The following TSPAN14 variants were observed in gnomAD, a reference collection of about 807,000 sequenced individuals.
TSPAN14 encodes tetraspanin-14.
In TSPAN14, 16 loss-of-function variants were observed where a neutral mutation model predicts 36.6. That is an observed-to-expected ratio of 0.44 (90% CI 0.30 to 0.66). The LOEUF is 0.66. Ranked by LOEUF, TSPAN14 falls within the 30% of genes least tolerant of loss-of-function variation. The pLI, the probability that TSPAN14 is intolerant of heterozygous loss-of-function variation, is 0.12. For missense variants in TSPAN14, 231 were observed against 355.1 expected, an observed-to-expected ratio of 0.65 and a Z score of 2.81; for synonymous variants, 139 against 143.8, an observed-to-expected ratio of 0.97 and a Z score of 0.24.
chr10:80,492,335 T>G (rs193049897), intron 2 of TSPAN14, among the ~76,000 whole-genome samples: 1 of 152,306 alleles, frequency 6.6e-6, no homozygotes, highest in Non-Finnish European at 1.5e-5. Flanking sequence ...TTTTGCAGTG[T>G]TTTTATTTGT....
At chr10:80,510,320 T>G (rs886949294) in intron 5 of TSPAN14, among the ~76,000 whole-genome samples, 1 of 152,250 alleles carries the variant, frequency 6.6e-6, no homozygotes, top group Non-Finnish European at 1.5e-5. Context: ...CTTTATTTCA[T>G]GTATTATGGG....
At chr10:80,484,584 AT>A (rs1293526656) in intron 1 of TSPAN14, among the ~76,000 whole-genome samples, 2 of 152,208 alleles carry the variant, frequency 1.3e-5, no homozygotes, top group African/African-American at 2.4e-5. Context: ...TCCTTTGTGT[AT>A]AATGTTCATA....
intron 1 of TSPAN14, among the ~76,000 whole-genome samples, chr10:80,460,776 A>G (rs893935244): frequency 2.0e-5 from 3 of 151,984 alleles, no homozygotes; most frequent in Admixed American, 6.6e-5. Flanking sequence ...TTGTTTCCCT[A>G]CAGCCCACCA....
intron 1 of TSPAN14, among the ~76,000 whole-genome samples, chr10:80,470,402 G>T (rs1735991388): frequency 6.6e-6 from 1 of 152,202 alleles, no homozygotes; most frequent in African/African-American, 2.4e-5. Flanking sequence ...TTTGATCCTG[G>T]TTGCTTGAAT....
intron 1 of TSPAN14, among the ~76,000 whole-genome samples, chr10:80,460,590 A>G (rs528306889): frequency 1.3e-5 from 2 of 152,224 alleles, no homozygotes; most frequent in East Asian, 1.9e-4. Flanking sequence ...GGCCAGTGTA[A>G]GAGTAGGGGA....
At chr10:80,511,392 G>A (rs1392119212) in intron 5 of TSPAN14, among the ~76,000 whole-genome samples, 3 of 152,182 alleles carry the variant, frequency 2.0e-5, no homozygotes, top group Admixed American at 2.0e-4. Context: ...CAGGGAGGAA[G>A]AACACTGCAC....
At chr10:80,512,567 A>G (rs1840717122) in intron 6 of TSPAN14, among the ~76,000 whole-genome samples, 1 of 152,220 alleles carries the variant, frequency 6.6e-6, no homozygotes, top group Non-Finnish European at 1.5e-5. Flanking sequence ...TGAGTGAAAT[A>G]AGGCCCGCTT....
intron 2 of TSPAN14, among the ~76,000 whole-genome samples, chr10:80,491,516 C>G (rs1185160704): frequency 1.3e-5 from 2 of 152,208 alleles, no homozygotes; most frequent in African/African-American, 4.8e-5. Flanking sequence ...ATCTTGATTT[C>G]TGCAGCTAGA....
intron 1 of TSPAN14, among the ~76,000 whole-genome samples, chr10:80,467,874 T>A (rs1870141): frequency 0.44 from 67,234 of 151,938 alleles, 15,810 homozygotes; most frequent in East Asian, 0.86. Flanking sequence ...GGCACATTAC[T>A]TTTGTTTATT....
intron 7 of TSPAN14, among the ~76,000 whole-genome samples, chr10:80,514,455 A>G (rs1405041805): frequency 1.3e-5 from 2 of 152,182 alleles, no homozygotes; most frequent in Non-Finnish European, 2.9e-5. Context: ...TGGAGGCAGT[A>G]GTGACAAAGA....
exon 9 of TSPAN14, chr10:80,519,940 G>A (rs1203179708): frequency 6.6e-6 from 1 of 151,932 alleles, no homozygotes; most frequent in Non-Finnish European, 1.5e-5. Flanking sequence ...AGGTCTAGAG[G>A]AAACATTGTT....
chr10:80,479,393 C>T (rs1318817350), intron 1 of TSPAN14, among the ~76,000 whole-genome samples: 2 of 151,936 alleles, frequency 1.3e-5, no homozygotes, highest in Non-Finnish European at 2.9e-5. Context: ...ATGGTAATGC[C>T]TAGGTTTTCT....
intron 2 of TSPAN14, among the ~76,000 whole-genome samples, chr10:80,498,277 T>C (rs1848305346): frequency 6.6e-6 from 1 of 152,206 alleles, no homozygotes; most frequent in Non-Finnish European, 1.5e-5. Context: ...TCTGGTGTAA[T>C]TTATAATGGC....
At chr10:80,476,107 C>G (rs924816492) in intron 1 of TSPAN14, among the ~76,000 whole-genome samples, 1 of 152,172 alleles carries the variant, frequency 6.6e-6, no homozygotes, top group African/African-American at 2.4e-5. Flanking sequence ...TGCGGGGGCT[C>G]ACGCTTATAA....
In TSPAN14 at chr10:80,509,766, A is replaced by C; in HGVS notation, c.450+295A>C. ...CCTCTTTCGGCCCCAGATCTTTCCA[A>C]TCCTGCCCAATAGCCATACCAGCTG... is the stretch of plus-strand genomic sequence containing the variant. On this transcript the variant is annotated intron_variant, in intron 5 of 8. Coordinates refer to ENST00000429989, the Ensembl canonical transcript of TSPAN14. This position sits in a 1 kb window ranked among gnomAD's most constrained non-coding sequence, Gnocchi z 4.7. 2.6e-6 allele frequency: 1 copy of C among 377,568 alleles called. No homozygotes were observed. Among genetic ancestry groups the C allele is most frequent in the South Asian group, 3.0e-5 (1 of 33,512 alleles). The allele number at this position is 377,568 out of a possible 1,614,324, so 23.4% of individuals were successfully genotyped here. A position where few individuals can be genotyped will look rare whatever the true frequency, so the allele number is the denominator to read the frequency against.
chr10:80,503,927 G>C (rs1902660), intron 2 of TSPAN14, among the ~76,000 whole-genome samples: 129,650 of 152,114 alleles, frequency 0.85, 55,620 homozygotes, highest in East Asian at 0.98. Flanking sequence ...GTGTTTTGTT[G>C]TATATGGAAA....
chr10:80,512,733 G>A (rs769573672), intron 6 of TSPAN14, among the ~76,000 whole-genome samples: 2 of 151,816 alleles, frequency 1.3e-5, no homozygotes, highest in African/African-American at 2.4e-5. Flanking sequence ...TTGCTGTGTC[G>A]CCCAGGCTGG....
exon 2 of TSPAN14, chr10:80,489,245 T>C (rs753430064): frequency 3.2e-6 from 5 of 1,582,892 alleles, no homozygotes; most frequent in Admixed American, 3.6e-5. Flanking sequence ...TGCACTATTA[T>C]AGATACTCTA....
At chr10:80,490,299 C>T (rs1339343246) in intron 2 of TSPAN14, among the ~76,000 whole-genome samples, 2 of 152,038 alleles carry the variant, frequency 1.3e-5, no homozygotes, top group East Asian at 3.9e-4. Flanking sequence ...AAGTCTTGGC[C>T]AACCACCATC....
Sources: gnomAD v4.1 joint callset for allele counts (sites outside exome capture counted in the v4.1 genomes callset) on GRCh38, gnomAD v4.1.1 for gene constraint, Gnocchi (gnomAD v3.1) non-coding constraint, MANE v1.5 for transcripts, NCBI Gene and HGNC (gene_info 2026-07-23, HGNC 2026-07-21) for gene names.